MGAT4C: variants seen among roughly 807,000 people sequenced by gnomAD.
The protein encoded by MGAT4C is alpha-1,3-mannosyl-glycoprotein 4-beta-N-acetylglucosaminyltransferase C.
Under a neutral mutation model 40.1 loss-of-function variants are expected in MGAT4C, and 19 were observed. The ratio of observed to expected loss-of-function variants is 0.47; its 90% CI spans 0.33 to 0.70. The LOEUF (loss-of-function observed/expected upper bound fraction) is 0.70, where lower values mean the gene tolerates loss of function less well. Among genes scored for constraint, MGAT4C ranks in the 30% least tolerant of loss-of-function variants. The probability of loss-of-function intolerance (pLI) is 0.02; values close to 1 mark genes in which losing one functional copy is unlikely to be tolerated. For missense variants in MGAT4C, 491 were observed against 563.2 expected (o/e 0.87, Z 1.30); for synonymous variants, 181 against 187.1 (o/e 0.97, Z 0.27).
intron 1 of MGAT4C, among the ~76,000 whole-genome samples, chr12:86,779,829 C>T (rs1301588457): frequency 2.0e-5 from 3 of 151,996 alleles, no homozygotes; most frequent in East Asian, 1.9e-4. Flanking sequence ...AGGAGAATGG[C>T]GTGAACCCAG....
Position 86,314,193 on chromosome 12 carries a change from A to T in MGAT4C, c.-57+19872T>A, listed in dbSNP as rs189603391. Among the ~76,000 whole-genome samples the T allele has an allele frequency of 2.2e-3, 341 of 152,296 alleles. 1 individual carries two copies. Among genetic ancestry groups the T allele is most frequent in the South Asian group, 5.6e-3 (27 of 4,822 alleles). ...TTACTTAAAAGCTTAGCACAATGTA[A>T]TGAAGTTTGTAGGATGCTTTATCAT... is the stretch of plus-strand genomic sequence containing the variant. On this transcript the variant is annotated intron_variant, in intron 4 of 7. Coordinates refer to the MGAT4C transcript ENST00000548651.
intron 2 of MGAT4C, among the ~76,000 whole-genome samples, chr12:86,464,884 T>C (rs1426360810): frequency 6.6e-6 from 1 of 152,156 alleles, no homozygotes; most frequent in Non-Finnish European, 1.5e-5. Context: ...ATTATTCATA[T>C]ATGAATAATG....
At chr12:86,583,988 A>G (rs1252743216) in intron 2 of MGAT4C, among the ~76,000 whole-genome samples, 1 of 151,022 alleles carries the variant, frequency 6.6e-6, no homozygotes, top group Admixed American at 6.6e-5. Context: ...TATTATTTTG[A>G]CATATTTAAA....
Position 86,237,928 on chromosome 12 carries a change from C to G in MGAT4C, c.-57+18311G>C, listed in dbSNP as rs552827533. Among the ~76,000 whole-genome samples the G allele has an allele frequency of 2.0e-5, 3 of 151,972 alleles. No homozygotes were observed. In the South Asian group the frequency reaches 6.2e-4, roughly 31 times the overall value. ...GGTCTTGGCCTCTTGCACAAATAAGCATAAAATATCCACACTGGGGTTGTA... is the reference window on the plus strand; with the variant it reads ...GGTCTTGGCCTCTTGCACAAATAAGGATAAAATATCCACACTGGGGTTGTA... On this transcript the variant is annotated intron_variant, in intron 1 of 4. Coordinates refer to ENST00000611864, the MANE Select transcript of MGAT4C (RefSeq NM_001351288.2).
intron 3 of MGAT4C, among the ~76,000 whole-genome samples, chr12:86,369,495 C>G (rs143713036): frequency 6.6e-6 from 1 of 151,296 alleles, no homozygotes; most frequent in African/African-American, 2.4e-5. Context: ...ATTTTTATAT[C>G]TGATATAGGT....
intron 4 of MGAT4C, among the ~76,000 whole-genome samples, chr12:86,263,450 T>C (rs867482229): frequency 3.3e-5 from 5 of 152,196 alleles, no homozygotes; most frequent in Non-Finnish European, 7.4e-5. Context: ...GTGTCTGACA[T>C]ATTTCATTTC....
intron 4 of MGAT4C, among the ~76,000 whole-genome samples, chr12:86,298,162 T>G (rs959139161): frequency 1.3e-5 from 2 of 152,110 alleles, no homozygotes; most frequent in Non-Finnish European, 2.9e-5. Context: ...TCAATGGGTT[T>G]AACTGTATCA....
intron 3 of MGAT4C, among the ~76,000 whole-genome samples, chr12:86,347,959 C>T (rs535545000): frequency 9.9e-5 from 15 of 152,104 alleles, no homozygotes; most frequent in African/African-American, 3.6e-4. Flanking sequence ...TTTCTTTAGG[C>T]TTATTCTAAG....
chr12:86,650,686 G>C (rs1963671623), intron 2 of MGAT4C, among the ~76,000 whole-genome samples: 1 of 151,860 alleles, frequency 6.6e-6, no homozygotes, highest in South Asian at 2.1e-4. Flanking sequence ...AACTGGAGAA[G>C]AAAAATCCTT....
intron 2 of MGAT4C, among the ~76,000 whole-genome samples, chr12:86,501,820 G>A (rs555983908): frequency 4.6e-5 from 7 of 152,024 alleles, no homozygotes; most frequent in South Asian, 4.1e-4. Flanking sequence ...TGCATGTATC[G>A]TTATAACAGA....
At chr12:86,780,422 C>A (rs373976860) in intron 1 of MGAT4C, among the ~76,000 whole-genome samples, 3 of 148,140 alleles carry the variant, frequency 2.0e-5, no homozygotes, top group Admixed American at 6.7e-5. Context: ...AGAGGAGGGG[C>A]GGGTGGGAGG....
chr12:86,162,586 T>C (rs1222488714), intron 1 of MGAT4C, among the ~76,000 whole-genome samples: 1 of 152,142 alleles, frequency 6.6e-6, no homozygotes, highest in Non-Finnish European at 1.5e-5. Context: ...CTCAGCATCA[T>C]ACAACATTCC....
At chr12:86,501,731 T>C (rs1958346842) in intron 2 of MGAT4C, among the ~76,000 whole-genome samples, 1 of 152,064 alleles carries the variant, frequency 6.6e-6, no homozygotes, top group Non-Finnish European at 1.5e-5. Flanking sequence ...AATTTTCTTT[T>C]TCCAGTGTAT....
intron 1 of MGAT4C, among the ~76,000 whole-genome samples, chr12:86,175,400 C>T (rs916571512): frequency 3.9e-5 from 6 of 152,144 alleles, no homozygotes; most frequent in African/African-American, 1.4e-4. Flanking sequence ...CTTAAATCCA[C>T]TCAATCCTCT....
chr12:86,149,471 T>A lies in MGAT4C; in HGVS notation c.-56-99748A>T, dbSNP rs1190799797. ...TAAGTTTTCTTGTGTCACTTCTTTT[T>A]GAGGTGAGTTCATTTTTACAGTGTT... is the stretch of plus-strand genomic sequence containing the variant. On this transcript the variant is annotated intron_variant, in intron 1 of 4. Transcript: ENST00000611864. Among the ~76,000 whole-genome samples, 5 of 152,362 alleles carry A rather than the reference T, an allele frequency of 3.3e-5. No individual in the cohort carries two copies. In the East Asian group the frequency reaches 9.6e-4, roughly 29 times the overall value.
chr12:86,511,642 C>A (rs1958589309), intron 2 of MGAT4C, among the ~76,000 whole-genome samples: 1 of 151,848 alleles, frequency 6.6e-6, no homozygotes, highest in Non-Finnish European at 1.5e-5. Flanking sequence ...TAAGAATATA[C>A]AATGGGGAAG....
intron 2 of MGAT4C, among the ~76,000 whole-genome samples, chr12:86,041,341 T>A (rs2136938594): frequency 6.6e-6 from 1 of 152,292 alleles, no homozygotes; most frequent in Non-Finnish European, 1.5e-5. Flanking sequence ...TTTGGTTATT[T>A]TTTGTCTTCT....
At position 85,977,750 on chromosome 12, in the gene MGAT4C, C is replaced by T. The variant is rs998400924; in HGVS notation, c.*1539G>A. 2.8e-5 allele frequency: 4 copies of T among 144,634 alleles called. No individual in the cohort carries two copies. Among genetic ancestry groups the T allele is most frequent in the Non-Finnish European group, 6.2e-5 (4 of 64,478 alleles). 9.0% of individuals were successfully genotyped at this position (144,634 alleles called of 1,614,324 possible). A position where few individuals can be genotyped will look rare whatever the true frequency, so the allele number is the denominator to read the frequency against. On this transcript the variant is annotated 3_prime_UTR_variant, in exon 5 of 5. Transcript: ENST00000611864. ...AAAAGGAAGAGCAGGAAGATTTCCT[C>T]ATTCTGTCTTACCAGCAAAAGTCTA...
At chr12:86,161,942 A>T (rs1236771226) in intron 1 of MGAT4C, among the ~76,000 whole-genome samples, 1 of 152,148 alleles carries the variant, frequency 6.6e-6, no homozygotes, top group African/African-American at 2.4e-5. Flanking sequence ...CAAAACTACA[A>T]TGAGATACCA....
Sources: allele counts gnomAD v4.1 joint callset (sites outside exome capture counted in the v4.1 genomes callset), GRCh38; gene constraint gnomAD v4.1.1; transcripts MANE v1.5; gene names NCBI Gene and HGNC (gene_info 2026-07-23, HGNC 2026-07-21).